EVL: variants seen among roughly 807,000 people sequenced by gnomAD.
The protein encoded by EVL is Enah/Vasp-like.
Under a neutral mutation model 59.6 loss-of-function variants are expected in EVL, and 21 were observed. The ratio of observed to expected loss-of-function variants is 0.35; its 90% CI spans 0.25 to 0.51. The LOEUF (loss-of-function observed/expected upper bound fraction) is 0.51, where lower values mean the gene tolerates loss of function less well. Ranked by LOEUF, EVL falls within the 20% of genes least tolerant of loss-of-function variation. The pLI is 0.97. For missense variants in EVL, 462 were observed against 546.6 expected, an observed-to-expected ratio of 0.85 and a Z score of 1.54; for synonymous variants, 198 against 203.5, an observed-to-expected ratio of 0.97 and a Z score of 0.23.
In EVL at chr14:100,135,898, A is replaced by C. The variant is rs918211394; in HGVS notation, c.901-7A>C. 3.7e-6 allele frequency: 6 copies of C among 1,613,862 alleles called. No individual in the cohort carries two copies. The highest frequency in any genetic ancestry group is 5.1e-6 in the Non-Finnish European group (6 of 1,179,950). ...TCCTAAACAGACTCCCTTCTTCTCC[A>C]TTTTAGGAAGATCCTAGTACCTCCC... is the stretch of plus-strand genomic sequence containing the variant. On this transcript the variant is annotated splice_region_variant and splice_polypyrimidine_tract_variant and intron_variant, in intron 8 of 13. Coordinates refer to ENST00000392920, the MANE Select transcript of EVL (RefSeq NM_016337.3).
At position 100,125,075 on chromosome 14, in the gene EVL, T is replaced by C. The variant is rs1159087481; in HGVS notation, c.422+1473T>C. ...ACACACACACACACCTGCTCCACGG[T>C]GGGACCACACACAGACACAGACACA... On this transcript the variant is annotated intron_variant, in intron 4 of 13. Coordinates refer to ENST00000392920, the MANE Select transcript of EVL (RefSeq NM_016337.3). Among the ~76,000 whole-genome samples, 28 of 135,286 alleles carry C rather than the reference T, an allele frequency of 2.1e-4. 1 individual carries two copies. The East Asian group carries it at 5.1e-3, about 25-fold the overall frequency. The allele number at this position is 135,286 out of a possible 152,430, so 88.8% of individuals were successfully genotyped here.
At chr14:100,100,874 T>A (rs1217239113) in intron 3 of EVL, among the ~76,000 whole-genome samples, 4 of 151,910 alleles carry the variant, frequency 2.6e-5, no homozygotes, top group Non-Finnish European at 5.9e-5. Context: ...TGCAAAGATG[T>A]GCCATAATGT....
chr14:100,013,667 T>A (rs1484217194), intron 1 of EVL, among the ~76,000 whole-genome samples: 1 of 152,232 alleles, frequency 6.6e-6, no homozygotes, highest in Non-Finnish European at 1.5e-5. Context: ...ATAGCTGATT[T>A]CCATTTGTGG....
chr14:100,014,015 ATTTC>A (rs1385205997), intron 1 of EVL, among the ~76,000 whole-genome samples: 4 of 152,108 alleles, frequency 2.6e-5, no homozygotes, highest in Non-Finnish European at 5.9e-5. Flanking sequence ...AACATTTATT[ATTTC>A]TTTGTGTTGC....
intron 1 of EVL, among the ~76,000 whole-genome samples, chr14:99,992,855 A>T (rs1365805050): frequency 6.6e-6 from 1 of 151,740 alleles, no homozygotes; most frequent in Admixed American, 6.6e-5. Flanking sequence ...TATTATGTTG[A>T]GGTAGTTTCC....
chr14:100,140,979 C>CA lies in EVL; in HGVS notation c.1095-200dup, dbSNP rs1422852890. 1.5e-5 allele frequency: 8 copies of CA among 517,684 alleles called. No individual in the cohort carries two copies. In the Admixed American group the frequency reaches 2.9e-4, roughly 19 times the overall value. The allele number at this position is 517,684 out of a possible 1,614,324, so 32.1% of individuals were successfully genotyped here. ...TGGCTCTCGGGTTGGGAAATACAGT[C>CA]ACGGTATCCATGGAGACCTCTTGAG... On this transcript the variant is annotated intron_variant, in intron 11 of 13. Coordinates refer to ENST00000392920, the MANE Select transcript of EVL (RefSeq NM_016337.3).
intron 1 of EVL, among the ~76,000 whole-genome samples, chr14:99,990,568 A>C (rs1366203425): frequency 6.6e-6 from 1 of 152,104 alleles, no homozygotes; most frequent in African/African-American, 2.4e-5. Flanking sequence ...ACTACTTTAA[A>C]TACTTAAACT....
At position 100,006,620 on chromosome 14, in the gene EVL, A is replaced by G. The variant is rs533632390; in HGVS notation, c.5+34563A>G. Among the ~76,000 whole-genome samples, 7 of 152,162 alleles carry G rather than the reference A, an allele frequency of 4.6e-5. No individual in the cohort carries two copies. In the East Asian group the frequency reaches 5.8e-4, roughly 13 times the overall value. On this transcript the variant is annotated intron_variant, in intron 1 of 13. Transcript: ENST00000402714. ...TTAACTTTAGCCAAGACGAACCCCAATTCAGTTACTGACCTAGGCCTATGG... is the reference window on the plus strand; with the variant it reads ...TTAACTTTAGCCAAGACGAACCCCAGTTCAGTTACTGACCTAGGCCTATGG...
intron 2 of EVL, among the ~76,000 whole-genome samples, chr14:100,092,163 G>A (rs1440754681): frequency 5.9e-5 from 9 of 151,836 alleles, no homozygotes; most frequent in Non-Finnish European, 7.4e-5. Flanking sequence ...GATCCCTTGC[G>A]CCCAGGAGTT....
intron 1 of EVL, among the ~76,000 whole-genome samples, chr14:100,013,100 C>A (rs980837164): frequency 1.3e-5 from 2 of 151,936 alleles, no homozygotes; most frequent in Admixed American, 6.6e-5. Context: ...ATTCTAGTTC[C>A]ATCCCCAGGG....
chr14:100,084,893 C>A, intron 2 of EVL, 38 bp downstream of exon 2: 1 of 1,604,674 alleles, frequency 6.2e-7, no homozygotes. Context: ...CGTGAGCCTG[C>A]GCACCACCTC....
At chr14:100,008,253 C>T (rs1782584138) in intron 1 of EVL, among the ~76,000 whole-genome samples, 1 of 152,156 alleles carries the variant, frequency 6.6e-6, no homozygotes. Flanking sequence ...CCAGGTGATG[C>T]TAATATGGCT....
chr14:99,996,431 T>C (rs2060914794), intron 1 of EVL, among the ~76,000 whole-genome samples: 1 of 152,192 alleles, frequency 6.6e-6, no homozygotes, highest in African/African-American at 2.4e-5. Flanking sequence ...AATCCCTTTA[T>C]ATAGTTCATG....
chr14:100,003,892 A>T (rs188043699), intron 1 of EVL, among the ~76,000 whole-genome samples: 1 of 152,234 alleles, frequency 6.6e-6, no homozygotes, highest in African/African-American at 2.4e-5. Context: ...GGAAGAAAAC[A>T]TTCCTTTTAG....
intron 2 of EVL, among the ~76,000 whole-genome samples, chr14:100,085,761 C>T (rs1045181911): frequency 2.2e-4 from 33 of 152,080 alleles, no homozygotes; most frequent in African/African-American, 7.2e-4. Context: ...TTGCTTTAAT[C>T]GAAATAGCCC....
At chr14:100,020,479 A>G (rs577369676) in intron 1 of EVL, among the ~76,000 whole-genome samples, 1 of 151,456 alleles carries the variant, frequency 6.6e-6, no homozygotes, top group East Asian at 2.0e-4. Flanking sequence ...GTGTGTGTGC[A>G]CGCACACACA....
intron 1 of EVL, among the ~76,000 whole-genome samples, chr14:100,039,584 C>T (rs2061436920): frequency 6.6e-6 from 1 of 152,134 alleles, no homozygotes. Context: ...ATAATTTGGA[C>T]ACATAATATG....
chr14:100,044,144 A>G (rs771843180), intron 1 of EVL, among the ~76,000 whole-genome samples: 11 of 152,142 alleles, frequency 7.2e-5, no homozygotes, highest in Non-Finnish European at 1.6e-4. Context: ...AAAATTATCG[A>G]TCACATCCTC....
At chr14:100,015,401 G>C (rs148055977) in intron 1 of EVL, among the ~76,000 whole-genome samples, 1 of 152,156 alleles carries the variant, frequency 6.6e-6, no homozygotes, top group Non-Finnish European at 1.5e-5. Context: ...TTGTATCAGC[G>C]TCTCCATGTT....
Sources: gnomAD v4.1 joint callset for allele counts (sites outside exome capture counted in the v4.1 genomes callset) on GRCh38, gnomAD v4.1.1 for gene constraint, MANE v1.5 for transcripts, NCBI Gene and HGNC (gene_info 2026-07-23, HGNC 2026-07-21) for gene names.